Variants in PCDHGA9 observed in about 807,000 individuals in gnomAD.
The protein encoded by PCDHGA9 is protocadherin gamma subfamily A, 9, also known as protocadherin gamma-A9.
Under a neutral mutation model 62.5 loss-of-function variants are expected in PCDHGA9, and 37 were observed. That is an observed-to-expected ratio of 0.59 (90% confidence interval 0.46 to 0.78). The LOEUF is 0.78. PCDHGA9 is among the 30% of genes least tolerant of loss of function. The pLI, the probability that PCDHGA9 is intolerant of heterozygous loss-of-function variation, is 0.00. For missense variants in PCDHGA9, 1,138 were observed against 1,166.2 expected (o/e 0.98, Z 0.35); for synonymous variants, 459 against 484.6 (o/e 0.95, Z 0.69).
At chr5:141,492,216 C>T (rs1163022229) in intron 1 of PCDHGA9, among the ~76,000 whole-genome samples, 1 of 152,140 alleles carries the variant, frequency 6.6e-6, no homozygotes, top group Non-Finnish European at 1.5e-5. Context: ...GCGCGGGGCT[C>T]ATGCGTGTCC....
intron 1 of PCDHGA9, chr5:141,484,980 A>C (rs1387732109): frequency 1.7e-6 from 1 of 593,836 alleles, no homozygotes; most frequent in Admixed American, 3.1e-5. Flanking sequence ...CTGTCTGCCA[A>C]TCGGGTGGTG....
intron 1 of PCDHGA9, among the ~76,000 whole-genome samples, chr5:141,455,289 A>C (rs1592356100): frequency 6.6e-6 from 1 of 152,074 alleles, no homozygotes; most frequent in South Asian, 2.1e-4. Flanking sequence ...ATCACTTTAC[A>C]TAGTTTCATC....
At chr5:141,480,240 C>CA (rs11374694) in intron 1 of PCDHGA9, among the ~76,000 whole-genome samples, 21,591 of 113,808 alleles carry the variant, frequency 0.19, 1,578 homozygotes, top group Admixed American at 0.21. Context: ...CCTGTCTCTA[C>CA]AAAAAAAAAA....
chr5:141,482,530 C>CAAAAAAAAAAAAAAAAA (rs3074545), intron 1 of PCDHGA9, among the ~76,000 whole-genome samples: 1 of 76,562 alleles, frequency 1.3e-5, no homozygotes, highest in African/African-American at 4.8e-5. Flanking sequence ...GACAGACATG[C>CAAAAAAAAAAAAAAAAA]AAAAAAAAAA....
chr5:141,423,177 C>G (rs748689237), intron 1 of PCDHGA9: 7 of 1,613,430 alleles, frequency 4.3e-6, no homozygotes, highest in Non-Finnish European at 5.1e-6. Context: ...TCCAGGACCA[C>G]GGCCAGCCCC....
rs552812176 is a variant in PCDHGA9, at chr5:141,497,407, A to G, written c.2483+2542A>G. Among the ~76,000 whole-genome samples, 43 of 152,204 alleles carry G rather than the reference A, an allele frequency of 2.8e-4. No individual in the cohort carries two copies. In the Middle Eastern group the frequency reaches 0.01, roughly 36 times the overall value. The stretch of plus-strand genomic sequence containing the variant: ...GCACCTTACCCCTGCCTCAACTCCC[A>G]TTCCATCAAATGAGAGGCTTAGTGG... On this transcript the variant is annotated intron_variant, in intron 2 of 3. Coordinates refer to ENST00000573521, the MANE Select transcript of PCDHGA9 (RefSeq NM_018921.3).
At position 141,485,698 on chromosome 5, in the gene PCDHGA9, T is replaced by C. The variant is rs1175015922; in HGVS notation, c.2425-9109T>C. ...TTAGCAGCTATAGGCTGAGCTCCAA[T>C]GAACACTTTGCACTGGATGTGAAGA... On this transcript the variant is annotated intron_variant, in intron 1 of 3. Transcript: ENST00000573521. This position sits in a 1 kb window ranked among gnomAD's most constrained non-coding sequence, Gnocchi z 5.7. 6.2e-7 allele frequency: 1 copy of C among 1,613,994 alleles called. No homozygotes were observed. The highest frequency in any genetic ancestry group is 8.5e-7 in the Non-Finnish European group (1 of 1,180,002).
chr5:141,411,079 T>C (rs1178503371), intron 1 of PCDHGA9: 2 of 154,384 alleles, frequency 1.3e-5, no homozygotes, highest in African/African-American at 2.4e-5. Flanking sequence ...CAGAAACTCC[T>C]GTCCTCGTGA....
At chr5:141,475,322 G>A (rs1352768659) in intron 1 of PCDHGA9, among the ~76,000 whole-genome samples, 1 of 152,204 alleles carries the variant, frequency 6.6e-6, no homozygotes, top group African/African-American at 2.4e-5. Flanking sequence ...CTTAAGAAAT[G>A]AGAGCTAACA....
rs960579159 is a variant in PCDHGA9 at position 141,404,241 on chromosome 5, C to A, written c.1289C>A (p.Pro430Gln). Reference sequence around the variant, plus strand: ...GTGACTGCAACAGACAGAGGAACTCCGCCCCTGTCCACAGAAATTCACATC... The same window carrying A: ...GTGACTGCAACAGACAGAGGAACTCAGCCCCTGTCCACAGAAATTCACATC... ...ITVTATDRGT[P>Q]PLSTEIHITL... Residue 430 changes from proline (P) to glutamine (Q), a missense_variant, in exon 1 of 4, where the codon CCG becomes CAG. Transcript: ENST00000573521. 6.2e-7 allele frequency: 1 copy of A among 1,613,458 alleles called. No homozygotes were observed. The highest frequency in any genetic ancestry group is 1.3e-5 in the African/African-American group (1 of 74,890).
At chr5:141,418,295 G>A (rs751665486) in intron 1 of PCDHGA9, 1 of 1,613,996 alleles carries the variant, frequency 6.2e-7, no homozygotes, top group Admixed American at 1.7e-5. Context: ...CAGTGAATCC[G>A]TCAGCCTGGG....
intron 1 of PCDHGA9, chr5:141,414,361 T>G: frequency 6.2e-7 from 1 of 1,613,876 alleles, no homozygotes; most frequent in Non-Finnish European, 8.5e-7. Context: ...GTATCTACCA[T>G]TTAAATTAGA....
Position 141,485,875 on chromosome 5 carries a change from C to T in PCDHGA9, c.2425-8932C>T, listed in dbSNP as rs1254918181. The T allele has an allele frequency of 1.9e-6, 3 of 1,614,150 alleles. No homozygotes were observed. The highest frequency in any genetic ancestry group is 2.2e-5 in the East Asian group (1 of 44,862). On this transcript the variant is annotated intron_variant, in intron 1 of 3. Transcript: ENST00000573521. This position sits in a 1 kb window ranked among gnomAD's most constrained non-coding sequence, Gnocchi z 5.7. ...CAGAGCTCCGGGTATCCGTGCTGGACGTAAACGACAACGCCCCAGCCTTCC... is the reference window on the plus strand; with the variant it reads ...CAGAGCTCCGGGTATCCGTGCTGGATGTAAACGACAACGCCCCAGCCTTCC...
chr5:141,404,089 T>A lies in PCDHGA9; in HGVS notation c.1137T>A (p.Asn379Lys). Residue 379 changes from asparagine to lysine, a missense_variant, in exon 1 of 4, where the codon AAT (asparagine) becomes AAA (lysine). Coordinates refer to ENST00000573521, the MANE Select transcript of PCDHGA9 (RefSeq NM_018921.3). The part of the protein sequence containing the change: ...FNAHDRDSGK[N>K]GQVVCSIQEN... ...CTCATGACCGAGACTCCGGGAAGAATGGTCAAGTTGTCTGTTCTATCCAGG... is the reference window on the plus strand; with the variant it reads ...CTCATGACCGAGACTCCGGGAAGAAAGGTCAAGTTGTCTGTTCTATCCAGG... 2 of 1,613,496 alleles carry A rather than the reference T, an allele frequency of 1.2e-6. No individual in the cohort carries two copies. The highest frequency in any genetic ancestry group is 1.7e-6 in the Non-Finnish European group (2 of 1,179,458).
intron 2 of PCDHGA9, among the ~76,000 whole-genome samples, chr5:141,503,091 G>A (rs2099818095): frequency 6.6e-6 from 1 of 151,808 alleles, no homozygotes; most frequent in African/African-American, 2.4e-5. Flanking sequence ...CTGACCTCGT[G>A]GTCTGCCCGC....
chr5:141,408,326 G>A, intron 1 of PCDHGA9: 6 of 1,613,904 alleles, frequency 3.7e-6, no homozygotes, highest in Non-Finnish European at 4.2e-6. Context: ...GGAGGAGCTG[G>A]CCAAGGGCTC....
At chr5:141,415,071 G>A (rs757356726) in intron 1 of PCDHGA9, 21 of 1,613,422 alleles carry the variant, frequency 1.3e-5, no homozygotes, top group East Asian at 2.2e-5. Flanking sequence ...AGGTGCGCAC[G>A]GCGCGAGCCC....
intron 1 of PCDHGA9, chr5:141,415,523 T>G (rs1245542927): frequency 1.9e-6 from 3 of 1,614,196 alleles, no homozygotes; most frequent in Non-Finnish European, 2.5e-6. Context: ...GCGGACACGC[T>G]CATCAGCCAG....
chr5:141,461,845 C>CA (rs2099025049), intron 1 of PCDHGA9, among the ~76,000 whole-genome samples: 1 of 151,000 alleles, frequency 6.6e-6, no homozygotes. Context: ...TTTTTTGAGA[C>CA]AGAGTTTTGC....
Sources: gnomAD v4.1 joint callset for allele counts (sites outside exome capture counted in the v4.1 genomes callset) on GRCh38, gnomAD v4.1.1 for gene constraint, Gnocchi (gnomAD v3.1) non-coding constraint, MANE v1.5 for transcripts, NCBI Gene and HGNC (gene_info 2026-07-23, HGNC 2026-07-21) for gene names.